The following EPHA5 variants were observed in gnomAD, a reference collection of about 807,000 sequenced individuals.
The protein encoded by EPHA5 is ephrin type-A receptor 5.
In EPHA5, 60 loss-of-function variants were observed where a neutral mutation model predicts 105.0. The ratio of observed to expected loss-of-function variants is 0.57; its 90% CI spans 0.46 to 0.71. EPHA5 has a LOEUF of 0.71. Ranked by LOEUF, EPHA5 falls within the 30% of genes least tolerant of loss-of-function variation. EPHA5 has a pLI of 0.00. For missense variants in EPHA5, 1,218 were observed against 1,274.7 expected, an observed-to-expected ratio of 0.96 and a Z score of 0.68; for synonymous variants, 513 against 449.1, an observed-to-expected ratio of 1.14 and a Z score of -1.80.
chr4:65,379,723 T>C (rs1560473173), intron 8 of EPHA5, among the ~76,000 whole-genome samples: 1 of 151,732 alleles, frequency 6.6e-6, no homozygotes, highest in Non-Finnish European at 1.5e-5. Context: ...ATGACATTAC[T>C]AGACTAAATA....
intron 2 of EPHA5, among the ~76,000 whole-genome samples, chr4:65,605,971 CA>C (rs149916439): frequency 6.7e-6 from 1 of 149,748 alleles, no homozygotes; most frequent in African/African-American, 2.4e-5. Flanking sequence ...AAGACCAGAC[CA>C]AAAAAAAAGG....
At position 65,330,673 on chromosome 4, in the gene EPHA5, C is replaced by G. The variant is rs1436462327; in HGVS notation, c.2945+1300G>C. 5 of 758,184 alleles carry G rather than the reference C, an allele frequency of 6.6e-6. No individual in the cohort carries two copies. The East Asian group carries it at 3.1e-4, about 47-fold the overall frequency. 47.0% of individuals were successfully genotyped at this position (758,184 alleles called of 1,614,324 possible). ...AATGACTTTAATAAATTAAAATGAC[C>G]ATTTTTACTGAAAAATTAAATAGCA... On this transcript the variant is annotated intron_variant, in intron 16 of 16. Coordinates refer to ENST00000613740, the MANE Select transcript of EPHA5 (RefSeq NM_001281766.3).
chr4:65,335,237 G>A (rs1403361489), intron 15 of EPHA5, among the ~76,000 whole-genome samples: 3 of 151,918 alleles, frequency 2.0e-5, no homozygotes, highest in Non-Finnish European at 4.4e-5. Context: ...GAATCAAACT[G>A]ATTTATTTTT....
chr4:65,408,258 G>A (rs1373693426), intron 7 of EPHA5, among the ~76,000 whole-genome samples: 1 of 152,066 alleles, frequency 6.6e-6, no homozygotes. Flanking sequence ...TCAAGTAGGA[G>A]ATATGGTAAT....
intron 3 of EPHA5, among the ~76,000 whole-genome samples, chr4:65,522,001 A>G (rs1280524423): frequency 6.6e-6 from 1 of 151,970 alleles, no homozygotes; most frequent in Non-Finnish European, 1.5e-5. Flanking sequence ...TTTACATTTC[A>G]TAGTCTATCT....
At chr4:65,345,749 A>G (rs2148834714) in intron 14 of EPHA5, among the ~76,000 whole-genome samples, 1 of 152,104 alleles carries the variant, frequency 6.6e-6, no homozygotes, top group South Asian at 2.1e-4. Context: ...TTAGGAAAGC[A>G]ATCATGCCTC....
intron 8 of EPHA5, 119 bp from the exon 9 acceptor site, chr4:65,367,543 A>C (rs1718036745): frequency 1.2e-6 from 1 of 855,054 alleles, no homozygotes; most frequent in Non-Finnish European, 1.9e-6. Flanking sequence ...TCATACTAGT[A>C]GTTTGGAATG....
chr4:65,607,585 T>C (rs1414746710), intron 2 of EPHA5, among the ~76,000 whole-genome samples: 1 of 152,108 alleles, frequency 6.6e-6, no homozygotes, highest in Non-Finnish European at 1.5e-5. Flanking sequence ...GAAAAAAAGC[T>C]CATCATCACT....
chr4:65,650,967 T>G (rs917550817), intron 1 of EPHA5, among the ~76,000 whole-genome samples: 1 of 152,184 alleles, frequency 6.6e-6, no homozygotes. Flanking sequence ...TGTCTCTCTA[T>G]TTTCCCATTT....
chr4:65,532,759 A>C lies in EPHA5; in HGVS notation c.911-37216T>G, dbSNP rs548903681. 8.7e-5 allele frequency among the ~76,000 whole-genome samples: 13 copies of C among 148,724 alleles called. No individual in the cohort carries two copies. The East Asian group carries it at 1.4e-3, about 16-fold the overall frequency. Reference sequence around the variant, plus strand: ...TCTTCTAGTGCATAAAACAACTGTAACCTCTATGCACTTGATTTCCAAAAT... The same window carrying C: ...TCTTCTAGTGCATAAAACAACTGTACCCTCTATGCACTTGATTTCCAAAAT... On this transcript the variant is annotated intron_variant, in intron 3 of 16. Transcript: ENST00000613740.
At chr4:65,580,522 G>C (rs920032406) in intron 3 of EPHA5, among the ~76,000 whole-genome samples, 13 of 151,768 alleles carry the variant, frequency 8.6e-5, no homozygotes, top group African/African-American at 2.9e-4. Context: ...CTAAATTCAA[G>C]GGTGGTAGAA....
Position 65,400,443 on chromosome 4 carries a change from AAC to A in EPHA5, c.1793+3929_1793+3930del, listed in dbSNP as rs1268403115. 4.6e-5 allele frequency among the ~76,000 whole-genome samples: 7 copies of A among 152,258 alleles called. No homozygotes were observed. In the East Asian group the frequency reaches 1.3e-3, roughly 29 times the overall value. ...GCAGAAAATACCCCATAGATTACTT[AAC>A]ACATTTAAAAAGGAAGATCACCCAC... On this transcript the variant is annotated intron_variant, in intron 8 of 16. Transcript: ENST00000613740.
chr4:65,474,067 GC>G (rs35475651), intron 5 of EPHA5, among the ~76,000 whole-genome samples: 23,078 of 151,350 alleles, frequency 0.15, 2,037 homozygotes, highest in African/African-American at 0.22. Context: ...TATACCTAAT[GC>G]TAAATGACGA....
Position 65,363,772 on chromosome 4 carries a change from C to T in EPHA5, c.2173+1245G>A, listed in dbSNP as rs537338074. Reference sequence around the variant, plus strand: ...TCATTCTTGCTTCTACGGTATCTATCGACACTTGCTATCACAGACGTTCTT... The same window carrying T: ...TCATTCTTGCTTCTACGGTATCTATTGACACTTGCTATCACAGACGTTCTT... On this transcript the variant is annotated intron_variant, in intron 11 of 16. Transcript: ENST00000613740. Among the ~76,000 whole-genome samples, 65 of 151,576 alleles carry T rather than the reference C, an allele frequency of 4.3e-4. 1 individual carries two copies. In the South Asian group the frequency reaches 0.011, roughly 25 times the overall value.
intron 6 of EPHA5, among the ~76,000 whole-genome samples, chr4:65,416,386 A>G (rs1013246950): frequency 2.0e-5 from 3 of 152,138 alleles, no homozygotes; most frequent in Non-Finnish European, 2.9e-5. Context: ...AGATAGAGAT[A>G]AAAATAATGC....
At chr4:65,487,664 C>G (rs1260729732) in intron 5 of EPHA5, among the ~76,000 whole-genome samples, 3 of 152,246 alleles carry the variant, frequency 2.0e-5, no homozygotes, top group South Asian at 2.1e-4. Context: ...AGGACAGATT[C>G]AGCTTCTTAT....
chr4:65,331,714 T>C, intron 16 of EPHA5: 3 of 1,184,698 alleles, frequency 2.5e-6, no homozygotes, highest in Non-Finnish European at 3.1e-6. Flanking sequence ...AAAACACCAG[T>C]ATTTTGCCAA....
At chr4:65,363,603 G>T (rs1318071373) in intron 11 of EPHA5, among the ~76,000 whole-genome samples, 1 of 151,438 alleles carries the variant, frequency 6.6e-6, no homozygotes, top group Non-Finnish European at 1.5e-5. Flanking sequence ...GTTGAATTTG[G>T]TAGCCATGTG....
chr4:65,559,968 G>A (rs1319684242), intron 3 of EPHA5, among the ~76,000 whole-genome samples: 4 of 152,042 alleles, frequency 2.6e-5, no homozygotes, highest in Non-Finnish European at 5.9e-5. Flanking sequence ...TCCACAGCTG[G>A]TACATAAGGA....
Sources: gnomAD v4.1 joint callset for allele counts (sites outside exome capture counted in the v4.1 genomes callset) on GRCh38, gnomAD v4.1.1 for gene constraint, MANE v1.5 for transcripts, NCBI Gene and HGNC (gene_info 2026-07-23, HGNC 2026-07-21) for gene names.